The following ATP2B2 variants were observed in gnomAD, a reference collection of about 807,000 sequenced individuals.
ATP2B2 encodes ATPase plasma membrane Ca2+ transporting 2.
A neutral mutation model predicts 120.0 loss-of-function variants in ATP2B2; 15 were observed. That is an observed-to-expected ratio of 0.12 (90% confidence interval 0.08 to 0.19). ATP2B2 has a LOEUF of 0.19. Ranked by LOEUF, ATP2B2 falls within the 10% of genes least tolerant of loss-of-function variation. The probability of loss-of-function intolerance (pLI) is 1.00; values close to 1 mark genes in which losing one functional copy is unlikely to be tolerated. For missense variants in ATP2B2, 1,045 were observed against 1,719.8 expected, an observed-to-expected ratio of 0.61 and a Z score of 6.94; for synonymous variants, 694 against 700.3, an observed-to-expected ratio of 0.99 and a Z score of 0.14.
Position 10,347,589 on chromosome 3 carries a change from G to A in ATP2B2, c.2405-1452C>T, listed in dbSNP as rs1006466859. The stretch of plus-strand genomic sequence containing the variant: ...TCTGGGCTGCTCCCACCCAGCTGTC[G>A]GTGACCCCTCAGTTCCACCGTCCTG... On this transcript the variant is annotated intron_variant, in intron 16 of 22. Transcript: ENST00000360273. The surrounding 1 kb of genome is among the most constrained non-coding windows in gnomAD (Gnocchi z 5.2). Among the ~76,000 whole-genome samples, 6 of 152,138 alleles carry A rather than the reference G, an allele frequency of 3.9e-5. No individual in the cohort carries two copies. Among genetic ancestry groups the A allele is most frequent in the Non-Finnish European group, 7.4e-5 (5 of 68,018 alleles).
intron 1 of ATP2B2, among the ~76,000 whole-genome samples, chr3:10,698,556 C>T (rs569687821): frequency 6.6e-6 from 1 of 152,284 alleles, no homozygotes; most frequent in East Asian, 1.9e-4. Context: ...GCAGAACATC[C>T]CTCCTGGACC....
intron 3 of ATP2B2, among the ~76,000 whole-genome samples, chr3:10,407,896 T>G (rs1470729618): frequency 6.6e-6 from 1 of 152,164 alleles, no homozygotes; most frequent in Non-Finnish European, 1.5e-5. Context: ...CCCCCTTTTA[T>G]GGATGAAGAC....
intron 1 of ATP2B2, among the ~76,000 whole-genome samples, chr3:10,689,832 T>G (rs1024250522): frequency 1.4e-4 from 22 of 152,220 alleles, no homozygotes; most frequent in African/African-American, 5.3e-4. Flanking sequence ...ATCCAAGCAT[T>G]GCTGCGCACC....
intron 1 of ATP2B2, among the ~76,000 whole-genome samples, chr3:10,684,817 A>C (rs1230052956): frequency 6.6e-6 from 1 of 152,246 alleles, no homozygotes; most frequent in Non-Finnish European, 1.5e-5. Flanking sequence ...ACAAGTTCCA[A>C]GGGTGATCTT....
intron 1 of ATP2B2, among the ~76,000 whole-genome samples, chr3:10,688,886 A>C (rs1047624985): frequency 6.6e-6 from 1 of 152,082 alleles, no homozygotes; most frequent in African/African-American, 2.4e-5. Context: ...CGGTTGAAAA[A>C]GGCAAAGTGA....
At chr3:10,537,283 T>A (rs2067339854) in intron 2 of ATP2B2, among the ~76,000 whole-genome samples, 1 of 152,220 alleles carries the variant, frequency 6.6e-6, no homozygotes, top group African/African-American at 2.4e-5. Flanking sequence ...TGATAGAAAT[T>A]GCACAGAACA....
At chr3:10,350,223 C>T (rs754452786) in intron 15 of ATP2B2, 24 bp from the exon 16 acceptor site, 19 of 375,636 alleles carry the variant, frequency 5.1e-5, no homozygotes, top group African/African-American at 2.5e-4. Context: ...GGGAAGGGGG[C>T]GGGTCGGTGG....
At position 10,462,950 on chromosome 3, in the gene ATP2B2, T is replaced by C. The variant is rs116540354; in HGVS notation, c.-319-13088A>G. ...TGTTGGGTCCCACTGAGGGACCTTATGGTCCTTGCCATTTTCTGAACAACT... is the reference window on the plus strand; with the variant it reads ...TGTTGGGTCCCACTGAGGGACCTTACGGTCCTTGCCATTTTCTGAACAACT... On this transcript the variant is annotated intron_variant, in intron 1 of 22. Transcript: ENST00000360273. 7.8e-3 allele frequency among the ~76,000 whole-genome samples: 1,181 copies of C among 152,322 alleles called. 21 individuals are homozygous for C. The highest frequency in any genetic ancestry group is 0.027 in the African/African-American group (1,121 of 41,572).
intron 2 of ATP2B2, among the ~76,000 whole-genome samples, chr3:10,537,021 C>T (rs2067332725): frequency 1.3e-5 from 2 of 152,104 alleles, no homozygotes; most frequent in Non-Finnish European, 2.9e-5. Flanking sequence ...CATTGAATTG[C>T]TTTTGTACCT....
chr3:10,682,055 A>C (rs2071396725), intron 1 of ATP2B2, among the ~76,000 whole-genome samples: 1 of 152,216 alleles, frequency 6.6e-6, no homozygotes, highest in Non-Finnish European at 1.5e-5. Context: ...GATGAGTAGG[A>C]GTTCACCAGG....
At chr3:10,696,633 G>T (rs2071745759) in intron 1 of ATP2B2, among the ~76,000 whole-genome samples, 1 of 152,132 alleles carries the variant, frequency 6.6e-6, no homozygotes, top group African/African-American at 2.4e-5. Flanking sequence ...AGCAACAAAG[G>T]CAGCCCTGAC....
chr3:10,391,788 A>G (rs2061858807), intron 5 of ATP2B2, among the ~76,000 whole-genome samples: 1 of 152,016 alleles, frequency 6.6e-6, no homozygotes, highest in Non-Finnish European at 1.5e-5. Context: ...CCCTTCTTCG[A>G]GGGTTTGGAG....
intron 1 of ATP2B2, among the ~76,000 whole-genome samples, chr3:10,496,356 C>T (rs566035314): frequency 6.6e-6 from 1 of 152,326 alleles, no homozygotes; most frequent in African/African-American, 2.4e-5. Context: ...CAGGCTTGCC[C>T]TGGGAAGAAC....
rs1288415261 is a variant in ATP2B2 at position 10,449,765 on chromosome 3, G to A, written c.-222C>T. 9 of 622,514 alleles carry A rather than the reference G, an allele frequency of 1.4e-5. No individual in the cohort carries two copies. Among genetic ancestry groups the A allele is most frequent in the Non-Finnish European group, 2.3e-5 (8 of 344,290 alleles). 38.6% of individuals were successfully genotyped at this position (622,514 alleles called of 1,614,324 possible). A position where few individuals can be genotyped will look rare whatever the true frequency, so the allele number is the denominator to read the frequency against. On this transcript the variant is annotated 5_prime_UTR_variant, in exon 2 of 23. Coordinates refer to ENST00000360273, the MANE Select transcript of ATP2B2 (RefSeq NM_001001331.4). ...CTCCGGTGTGGGACGAGGTCCAGGG[G>A]CCGGAGGGGCTCAGGGCTGTAGACC...
At chr3:10,481,639 C>T (rs982294642) in intron 1 of ATP2B2, among the ~76,000 whole-genome samples, 1 of 152,190 alleles carries the variant, frequency 6.6e-6, no homozygotes, top group Non-Finnish European at 1.5e-5. Context: ...CTGCAACCTC[C>T]ACCTCCTGGG....
At chr3:10,558,882 G>A (rs2067839497) in intron 2 of ATP2B2, among the ~76,000 whole-genome samples, 2 of 152,132 alleles carry the variant, frequency 1.3e-5, no homozygotes, top group Admixed American at 6.5e-5. Context: ...AGGAGAGAAC[G>A]AGTGAGGAGA....
At chr3:10,539,463 C>T (rs1163485486) in intron 2 of ATP2B2, among the ~76,000 whole-genome samples, 1 of 152,186 alleles carries the variant, frequency 6.6e-6, no homozygotes, top group Non-Finnish European at 1.5e-5. Flanking sequence ...CGCTACCTGA[C>T]TTCAAACTAT....
At chr3:10,596,518 G>C (rs1359472538) in intron 2 of ATP2B2, among the ~76,000 whole-genome samples, 4 of 152,192 alleles carry the variant, frequency 2.6e-5, no homozygotes, top group African/African-American at 9.7e-5. Context: ...AAAGTTCTTA[G>C]AACATTTTTA....
chr3:10,357,733 G>C (rs2060779820), intron 14 of ATP2B2, among the ~76,000 whole-genome samples: 1 of 152,212 alleles, frequency 6.6e-6, no homozygotes, highest in Non-Finnish European at 1.5e-5. Context: ...CTGGGAGGAA[G>C]TGGAAGCCAG....
Sources: allele counts gnomAD v4.1 joint callset (sites outside exome capture counted in the v4.1 genomes callset), GRCh38; gene constraint gnomAD v4.1.1; non-coding constraint Gnocchi (gnomAD v3.1); transcripts MANE v1.5; gene names NCBI Gene and HGNC (gene_info 2026-07-23, HGNC 2026-07-21).